ITPR3: variants seen among roughly 807,000 people sequenced by gnomAD.
ITPR3 encodes the protein inositol 1,4,5-trisphosphate receptor type 3.
A neutral mutation model predicts 293.2 loss-of-function variants in ITPR3; 173 were observed. The observed-to-expected ratio is 0.59, with a 90% CI of 0.52 to 0.67. The LOEUF is 0.67. ITPR3 is among the 30% of genes least tolerant of loss of function. ITPR3 has a pLI of 0.00. For synonymous variants in ITPR3, 1,295 were observed against 1,444.4 expected, an observed-to-expected ratio of 0.90 and a Z score of 2.35; for missense variants, 2,796 against 3,592.1, an observed-to-expected ratio of 0.78 and a Z score of 5.66.
At position 33,657,959 on chromosome 6, in the gene ITPR3, A is replaced by G. The variant is rs1357542991; in HGVS notation, c.310A>G (p.Asn104Asp). ...QHAAQMEQKQ[N>D]DTENKKVHGD... ...TGCGGCGCAGATGGAGCAGAAGCAA[A>G]ATGACACGGAGAACAAGAAGGTGCA... The change falls in exon 4 of 58, where the codon AAT becomes GAT. Residue 104 changes from asparagine to aspartate, a missense_variant. Around this residue, in one of 8 missense-constraint regions of ITPR3, gnomAD observed 144 missense variants for 230.8 expected, o/e 0.62. Coordinates refer to ENST00000605930, the MANE Select transcript of ITPR3 (RefSeq NM_002224.4). The G allele has an allele frequency of 1.2e-6, 2 of 1,613,746 alleles. No individual in the cohort carries two copies. The highest frequency in any genetic ancestry group is 1.7e-6 in the Non-Finnish European group (2 of 1,179,856).
Position 33,694,987 on chromosome 6 carries a change from G to T in ITPR3, c.7849G>T (p.Gly2617Trp). 6.2e-7 allele frequency: 1 copy of T among 1,614,152 alleles called. No homozygotes were observed. Among genetic ancestry groups the T allele is most frequent in the South Asian group, 1.1e-5 (1 of 91,072 alleles). Reference protein sequence around the residue: ...AMSLVSNEGEGEQNEIRILQD... With the variant: ...AMSLVSNEGEWEQNEIRILQD... Reference sequence around the variant, plus strand: ...GTCCCTTGTCAGCAATGAGGGCGAGGGGGAGCAGAATGAGATTCGGATTCT... The same window carrying T: ...GTCCCTTGTCAGCAATGAGGGCGAGTGGGAGCAGAATGAGATTCGGATTCT... Residue 2617 changes from glycine (G) to tryptophan (W), a missense_variant, in exon 57 of 58, where the codon GGG (glycine) becomes TGG (tryptophan). By Grantham distance (184) the Gly-to-Trp change is radical. Coordinates refer to ENST00000605930, the MANE Select transcript of ITPR3 (RefSeq NM_002224.4).
At chr6:33,649,328 C>T (rs1042023358) in intron 2 of ITPR3, among the ~76,000 whole-genome samples, 1 of 152,324 alleles carries the variant, frequency 6.6e-6, no homozygotes, top group South Asian at 2.1e-4. Context: ...TGGGTTCAAG[C>T]GATTCTCCTG....
Position 33,671,175 on chromosome 6 carries a change from T to G in ITPR3, c.2597T>G (p.Leu866Arg), listed in dbSNP as rs1306610460. 6.2e-7 allele frequency: 1 copy of G among 1,613,578 alleles called. No homozygotes were observed. Among genetic ancestry groups the G allele is most frequent in the Non-Finnish European group, 8.5e-7 (1 of 1,179,886 alleles). The change falls in exon 21 of 58, where the codon CTG becomes CGG. Residue 866 changes from leucine to arginine, a missense_variant. Transcript: ENST00000605930. ...ACGCCCCCTTCGCAGGTGGTCAGCC[T>G]GGCGCACAATCTCATCTACTTCGGC... ...KNKLTFEVVS[L>R]AHNLIYFGFY...
Position 33,676,869 on chromosome 6 carries a change from G to A in ITPR3, c.3384G>A (p.Val1128=). Residue 1128 remains valine, a synonymous_variant, in exon 26 of 58, where the codon GTG becomes GTA. Coordinates refer to ENST00000605930, the MANE Select transcript of ITPR3 (RefSeq NM_002224.4). ...RTMVEKSELW[V]DKKGSGKGEE... is the part of the protein sequence containing the mutation. ...TGGTGGAGAAGTCAGAGCTGTGGGT[G>A]GACAAGAAGGGCAGTGGCAAGGGTG... 6.2e-7 allele frequency: 1 copy of A among 1,614,124 alleles called. No homozygotes were observed. Among genetic ancestry groups the A allele is most frequent in the Non-Finnish European group, 8.5e-7 (1 of 1,179,964 alleles).
At chr6:33,677,171 T>A in intron 27 of ITPR3, 82 bp downstream of exon 27, 2 of 1,288,062 alleles carry the variant, frequency 1.6e-6, no homozygotes, top group Non-Finnish European at 2.2e-6. Flanking sequence ...CCCCTGTGCC[T>A]CTCCCTGTGC....
rs2229646 is a variant in ITPR3, at chr6:33,663,853, T to G, written c.1121T>G (p.Leu374Trp). ...CTCTTTGAGCTGGACCCCACCACCT[T>G]GCAGAAAACCGACTCTTTCGTGCCC... The part of the protein sequence containing the change: ...ASLFELDPTT[L>W]QKTDSFVPRN... The change falls in exon 11 of 58, where the codon TTG (leucine) becomes TGG (tryptophan). Residue 374 changes from leucine (L) to tryptophan (W), a missense_variant. By Grantham distance (61) the Leu-to-Trp change is moderately conservative. Transcript: ENST00000605930. 1,259 of 1,614,164 alleles carry G rather than the reference T, an allele frequency of 7.8e-4. 8 individuals are homozygous for G. In the African/African-American group the frequency reaches 0.015, roughly 19 times the overall value.
rs894557452 is a variant in ITPR3, at chr6:33,675,715, G to A, written c.3141G>A (p.Val1047=). 6.2e-7 allele frequency: 1 copy of A among 1,608,242 alleles called. No homozygotes were observed. Among genetic ancestry groups the A allele is most frequent in the South Asian group, 1.1e-5 (1 of 90,376 alleles). Residue 1047 remains valine (V), a synonymous_variant, in exon 25 of 58, where the codon GTG becomes GTA. Transcript: ENST00000605930. This position sits in a 1 kb window ranked among gnomAD's most constrained non-coding sequence, Gnocchi z 5.0. ...GGAAGACAAGCAGCATGCTGGAGGT[G>A]GATGACGAGGGCGGCCGCATGTTCC... ...GVGKTSSMLE[V]DDEGGRMFLR...
intron 7 of ITPR3, among the ~76,000 whole-genome samples, chr6:33,662,064 C>T (rs575383177): frequency 5.3e-4 from 79 of 148,678 alleles, no homozygotes; most frequent in African/African-American, 1.8e-3. Context: ...TGGAGATGCC[C>T]TCCATGCTGC....
In ITPR3 at chr6:33,670,995, C is replaced by A; in HGVS notation, c.2587-170C>A. On this transcript the variant is annotated intron_variant, in intron 20 of 57. Coordinates refer to ENST00000605930, the MANE Select transcript of ITPR3 (RefSeq NM_002224.4). The surrounding 1 kb of genome is among the most constrained non-coding windows in gnomAD (Gnocchi z 6.7). ...ATTCTCCAAGAGGCAGGCTCCTGTT[C>A]CAATGCCTGGGAAAGGGCTGCCTCT... 2.5e-6 allele frequency: 2 copies of A among 807,902 alleles called. No individual in the cohort carries two copies. The highest frequency in any genetic ancestry group is 3.0e-6 in the Non-Finnish European group (2 of 667,860). 50.0% of individuals were successfully genotyped at this position (807,902 alleles called of 1,614,324 possible).
chr6:33,676,832 G>A lies in ITPR3; in HGVS notation c.3347G>A (p.Arg1116Gln), dbSNP rs759558152. ...NYKVIKSELD[R>Q]LRTMVEKSEL... ...AAGGTGATCAAGTCGGAGCTGGACC[G>A]GCTGCGGACCATGGTGGAGAAGTCA... Residue 1116 changes from arginine (R) to glutamine (Q), a missense_variant, in exon 26 of 58, where the codon CGG becomes CAG. Around this residue, in one of 8 missense-constraint regions of ITPR3, gnomAD observed 955 missense variants for 1,180.8 expected, o/e 0.81. Transcript: ENST00000605930. The A allele has an allele frequency of 9.9e-6, 16 of 1,614,060 alleles. No homozygotes were observed. Among genetic ancestry groups the A allele is most frequent in the East Asian group, 4.5e-5 (2 of 44,900 alleles).
rs113349365 is a variant in ITPR3 at position 33,672,308 on chromosome 6, C to T, written c.2928+80C>T. Reference sequence around the variant, plus strand: ...GCGGGTACAGGGAGGCTGGGCAGGGCGAACCCCTTCAGATCTCAGTATTTA... The same window carrying T: ...GCGGGTACAGGGAGGCTGGGCAGGGTGAACCCCTTCAGATCTCAGTATTTA... On this transcript the variant is annotated intron_variant, in intron 22 of 57. Coordinates refer to ENST00000605930, the MANE Select transcript of ITPR3 (RefSeq NM_002224.4). This position sits in a 1 kb window ranked among gnomAD's most constrained non-coding sequence, Gnocchi z 5.0. 1,749 of 1,260,874 alleles carry T rather than the reference C, an allele frequency of 1.4e-3. 20 individuals carry two copies. The African/African-American group carries it at 0.022, about 16-fold the overall frequency. The allele number at this position is 1,260,874 out of a possible 1,614,324, so 78.1% of individuals were successfully genotyped here.
chr6:33,658,654 CCCA>C lies in ITPR3; in HGVS notation c.370-13_370-11del. 6.2e-7 allele frequency: 1 copy of C among 1,613,176 alleles called. No individual in the cohort carries two copies. The highest frequency in any genetic ancestry group is 8.5e-7 in the Non-Finnish European group (1 of 1,179,308). ...CTGTGGCGCGGTGACCTTCCCGCAC[CCCA>C]CCTGACCCCCAGCTCCTGCACATGA... On this transcript the variant is annotated splice_polypyrimidine_tract_variant and intron_variant, in intron 4 of 57. Transcript: ENST00000605930. The surrounding 1 kb of genome is among the most constrained non-coding windows in gnomAD (Gnocchi z 6.1).
At chr6:33,660,515 C>T (rs1263829250) in intron 7 of ITPR3, among the ~76,000 whole-genome samples, 1 of 151,992 alleles carries the variant, frequency 6.6e-6, no homozygotes, top group African/African-American at 2.4e-5. Flanking sequence ...ATGCCTTCTC[C>T]CTCCCTCCCT....
chr6:33,686,726 C>G (rs917837132), intron 43 of ITPR3, among the ~76,000 whole-genome samples: 1 of 151,274 alleles, frequency 6.6e-6, no homozygotes, highest in East Asian at 1.9e-4. Flanking sequence ...AACATACACT[C>G]ACTCTGGATG....
intron 3 of ITPR3, among the ~76,000 whole-genome samples, chr6:33,657,041 A>T (rs79813940): frequency 0.03 from 4,528 of 152,298 alleles, 213 homozygotes; most frequent in African/African-American, 0.099. Context: ...GCATTCACCT[A>T]TGCAGAGCCA....
At chr6:33,668,026 A>C in intron 16 of ITPR3, 62 bp downstream of exon 16, 2 of 1,569,180 alleles carry the variant, frequency 1.3e-6, no homozygotes, top group Admixed American at 3.4e-5. Context: ...CCTGGGTAGA[A>C]ACTCTGCTGG....
In ITPR3 at chr6:33,638,531, A is replaced by G. The variant is rs943668849; in HGVS notation, c.90-1953A>G. On this transcript the variant is annotated intron_variant, in intron 1 of 57. Transcript: ENST00000605930. The surrounding 1 kb of genome is among the most constrained non-coding windows in gnomAD (Gnocchi z 4.3). ...GCTTGGAATGAACAAAATTCATGCCATTTCATCTTTATTGCTTCCGATCTA... is the reference window on the plus strand; with the variant it reads ...GCTTGGAATGAACAAAATTCATGCCGTTTCATCTTTATTGCTTCCGATCTA... Among the ~76,000 whole-genome samples the G allele has an allele frequency of 2.6e-5, 4 of 152,208 alleles. No homozygotes were observed. Among genetic ancestry groups the G allele is most frequent in the Non-Finnish European group, 4.4e-5 (3 of 68,028 alleles).
At chr6:33,678,588 G>A in intron 29 of ITPR3, 45 bp downstream of exon 29, 2 of 1,566,918 alleles carry the variant, frequency 1.3e-6, no homozygotes, top group Middle Eastern at 1.8e-4. Context: ...CGGGGGATGG[G>A]GGGTGGGGGC....
At chr6:33,649,645 G>A (rs935061540) in intron 2 of ITPR3, among the ~76,000 whole-genome samples, 1 of 152,264 alleles carries the variant, frequency 6.6e-6, no homozygotes, top group Non-Finnish European at 1.5e-5. Flanking sequence ...ATTGGAAGCA[G>A]ATGCAGGCAT....
Sources: gnomAD v4.1 joint callset for allele counts (sites outside exome capture counted in the v4.1 genomes callset) on GRCh38, gnomAD v4.1.1 for gene constraint, gnomAD v4.1.1 regional missense constraint, Gnocchi (gnomAD v3.1) non-coding constraint, MANE v1.5 for transcripts, NCBI Gene and HGNC (gene_info 2026-07-23, HGNC 2026-07-21) for gene names.